The following DNHD1 variants were observed in gnomAD, a reference collection of about 807,000 sequenced individuals.
DNHD1 encodes dynein heavy chain domain 1.
A neutral mutation model predicts 458.1 loss-of-function variants in DNHD1; 383 were observed. That is an observed-to-expected ratio of 0.84 (90% confidence interval 0.77 to 0.91). The LOEUF (loss-of-function observed/expected upper bound fraction) is 0.91, where lower values mean the gene tolerates loss of function less well. Ranked by LOEUF, DNHD1 falls within the 40% of genes least tolerant of loss-of-function variation. DNHD1 has a pLI of 0.00. For missense variants in DNHD1, 5,336 were observed against 5,866.1 expected, an observed-to-expected ratio of 0.91 and a Z score of 2.95; for synonymous variants, 2,203 against 2,376.9, an observed-to-expected ratio of 0.93 and a Z score of 2.13.
chr11:6,549,615 G>A (rs1218446513), intron 24 of DNHD1, among the ~76,000 whole-genome samples: 2 of 152,200 alleles, frequency 1.3e-5, no homozygotes, highest in African/African-American at 4.8e-5. Context: ...ACCTAAGGCA[G>A]TAGCTTCTCC....
In DNHD1 at chr11:6,548,688, G is replaced by C. The variant is rs916127758; in HGVS notation, c.7142G>C (p.Gly2381Ala). The change falls in exon 24 of 43, where the codon GGA becomes GCA. Residue 2381 changes from glycine (G) to alanine (A), a missense_variant. Transcript: ENST00000254579. This position sits in a 1 kb window ranked among gnomAD's most constrained non-coding sequence, Gnocchi z 4.4. ...GTGGTGGACCTGCTTCTGTCAGGGG[G>C]ACAGCCAGTGTTGCTGGCTGGAGAG... Reference protein sequence around the residue: ...LYVVDLLLSGGQPVLLAGEAA... With the variant: ...LYVVDLLLSGAQPVLLAGEAA... The C allele has an allele frequency of 1.3e-6, 2 of 1,551,616 alleles. No homozygotes were observed. Among genetic ancestry groups the C allele is most frequent in the Admixed American group, 3.9e-5 (2 of 51,002 alleles).
At chr11:6,569,790 T>C (rs1295155803) in intron 39 of DNHD1, among the ~76,000 whole-genome samples, 1 of 152,104 alleles carries the variant, frequency 6.6e-6, no homozygotes, top group African/African-American at 2.4e-5. Flanking sequence ...ATTTTTGCTT[T>C]AGATAATTGG....
At position 6,563,434 on chromosome 11, in the gene DNHD1, A is replaced by G; in HGVS notation, c.9722A>G (p.Glu3241Gly). The change falls in exon 30 of 43, where the codon GAG becomes GGG. Residue 3241 changes from glutamate to glycine, a missense_variant. By Grantham distance (98) the Glu-to-Gly change is moderately conservative. Transcript: ENST00000254579. ...PLSQLQVADF[E>G]EIRSYRAPPE... ...AGCCAGCTGCAGGTGGCTGACTTTG[A>G]GGAGATACGGAGCTATCGAGCACCA... 6.4e-7 allele frequency: 1 copy of G among 1,551,706 alleles called. No individual in the cohort carries two copies. Among genetic ancestry groups the G allele is most frequent in the Non-Finnish European group, 8.7e-7 (1 of 1,146,976 alleles).
chr11:6,544,861 G>T lies in DNHD1; in HGVS notation c.3922G>T (p.Val1308Phe). 1 of 1,551,660 alleles carries T rather than the reference G, an allele frequency of 6.4e-7. No individual in the cohort carries two copies. Among genetic ancestry groups the T allele is most frequent in the South Asian group, 1.2e-5 (1 of 84,056 alleles). The part of the protein sequence containing the change: ...LMRISVADPM[V>F]LSLVVPSAER... Reference sequence around the variant, plus strand: ...GCGCATCTCTGTAGCTGACCCCATGGTTCTGTCACTTGTAGTGCCCAGTGC... The same window carrying T: ...GCGCATCTCTGTAGCTGACCCCATGTTTCTGTCACTTGTAGTGCCCAGTGC... The change falls in exon 21 of 43, where the codon GTT becomes TTT. Residue 1308 changes from valine to phenylalanine, a missense_variant. By Grantham distance (50) the Val-to-Phe change is conservative. Transcript: ENST00000254579.
chr11:6,568,867 G>C lies in DNHD1; in HGVS notation c.12863+1G>C. 1 of 1,606,184 alleles carries C rather than the reference G, an allele frequency of 6.2e-7. No homozygotes were observed. The highest frequency in any genetic ancestry group is 8.5e-7 in the Non-Finnish European group (1 of 1,176,668). On this transcript the variant is annotated splice_donor_variant, in intron 39 of 42. Coordinates refer to ENST00000254579, the MANE Select transcript of DNHD1 (RefSeq NM_144666.3). LOFTEE classifies it high-confidence loss of function. ...GGCTGCAGGCACACAGGGGGCGCTGGTGAGGGACCCCCACCCATTCCTGCT... is the reference window on the plus strand; with the variant it reads ...GGCTGCAGGCACACAGGGGGCGCTGCTGAGGGACCCCCACCCATTCCTGCT...
At chr11:6,500,162 G>A (rs1487828598) in intron 3 of DNHD1, among the ~76,000 whole-genome samples, 2 of 151,798 alleles carry the variant, frequency 1.3e-5, no homozygotes, top group East Asian at 3.9e-4. Context: ...ACAGTGTTTC[G>A]CCATGTTGAC....
intron 10 of DNHD1, among the ~76,000 whole-genome samples, chr11:6,526,345 A>T (rs986234988): frequency 6.6e-6 from 1 of 150,814 alleles, no homozygotes; most frequent in Admixed American, 6.6e-5. Context: ...GACTTCTATC[A>T]TTTTTCTATT....
intron 10 of DNHD1, among the ~76,000 whole-genome samples, chr11:6,522,371 T>G (rs565487966): frequency 1.3e-5 from 2 of 152,170 alleles, no homozygotes; most frequent in African/African-American, 2.4e-5. Flanking sequence ...AATTTTTGCT[T>G]TTGTTGTGAC....
chr11:6,502,915 C>T lies in DNHD1; in HGVS notation c.909C>T (p.Ser303=). 1 of 1,613,606 alleles carries T rather than the reference C, an allele frequency of 6.2e-7. No homozygotes were observed. The highest frequency in any genetic ancestry group is 8.5e-7 in the Non-Finnish European group (1 of 1,179,788). ...IHFLYLNVAP[S]RYFRPYSLMV... is the part of the protein sequence containing the mutation. ...TCCTCTATCTCAATGTGGCTCCCAG[C>T]CGGTACTTTAGGTGATAGCCTATGT... The change falls in exon 4 of 43, where the codon AGC becomes AGT. Residue 303 remains serine, a synonymous_variant. Coordinates refer to ENST00000254579, the MANE Select transcript of DNHD1 (RefSeq NM_144666.3).
Position 6,557,628 on chromosome 11 carries a change from A to T in DNHD1, c.8333A>T (p.Asn2778Ile). The change falls in exon 25 of 43, where the codon AAC becomes ATC. Residue 2778 changes from asparagine (N) to isoleucine (I), a missense_variant. Transcript: ENST00000254579. ...CAAGAGAAAGGCACAAGGGCATCCA[A>T]CTATAGGCTCCAGGTAAGGAGATCA... ...IRQEKGTRAS[N>I]YRLQVRRSFK... 1 of 1,551,814 alleles carries T rather than the reference A, an allele frequency of 6.4e-7. No homozygotes were observed. The highest frequency in any genetic ancestry group is 1.2e-5 in the South Asian group (1 of 84,066).
chr11:6,506,386 G>T (rs1174619352), intron 4 of DNHD1, among the ~76,000 whole-genome samples: 1 of 152,128 alleles, frequency 6.6e-6, no homozygotes, highest in African/African-American at 2.4e-5. Context: ...GTTCTCTGAT[G>T]TGTTATACAG....
At chr11:6,512,270 G>T in intron 7 of DNHD1, among the ~76,000 whole-genome samples, 1 of 134,122 alleles carries the variant, frequency 7.5e-6, no homozygotes, top group Non-Finnish European at 1.5e-5. Context: ...ACCCAGGCTG[G>T]AGTGCAGTGG....
At chr11:6,565,375 CAG>C in intron 32 of DNHD1, among the ~76,000 whole-genome samples, 1 of 152,318 alleles carries the variant, frequency 6.6e-6, no homozygotes, top group Non-Finnish European at 1.5e-5. Context: ...TATGTGAAGA[CAG>C]AGGATGAATA....
At chr11:6,525,972 C>A (rs79416516) in intron 10 of DNHD1, among the ~76,000 whole-genome samples, 2 of 151,492 alleles carry the variant, frequency 1.3e-5, no homozygotes, top group African/African-American at 4.9e-5. Context: ...GGCTTTATAT[C>A]TTTTTTTAAA....
Position 6,564,411 on chromosome 11 carries a change from C to T in DNHD1, c.10363C>T (p.Pro3455Ser). The stretch of plus-strand genomic sequence containing the variant: ...TGCCATCATCTACCTGGGTCCCTTC[C>T]CACCATTGCGGCGCCAAGAGCTACT... ...SAAIIYLGPF[P>S]PLRRQELLDE... is the part of the protein sequence containing the mutation. Residue 3455 changes from proline to serine, a missense_variant, in exon 32 of 43, where the codon CCA (proline) becomes TCA (serine). Coordinates refer to ENST00000254579, the MANE Select transcript of DNHD1 (RefSeq NM_144666.3). 5 of 1,551,702 alleles carry T rather than the reference C, an allele frequency of 3.2e-6. No individual in the cohort carries two copies. The highest frequency in any genetic ancestry group is 4.4e-6 in the Non-Finnish European group (5 of 1,146,976).
At chr11:6,516,676 G>T (rs557200363) in intron 7 of DNHD1, among the ~76,000 whole-genome samples, 2 of 152,068 alleles carry the variant, frequency 1.3e-5, no homozygotes, top group African/African-American at 4.8e-5. Context: ...TCCTGGAGGG[G>T]CAATGACTTG....
At position 6,567,322 on chromosome 11, in the gene DNHD1, G is replaced by A; in HGVS notation, c.11813G>A (p.Gly3938Asp). The change falls in exon 36 of 43, where the codon GGC becomes GAC. Residue 3938 changes from glycine (G) to aspartate (D), a missense_variant. This residue lies in a region of DNHD1 where 695 missense variants were observed against 804.2 expected (regional missense o/e 0.86). Coordinates refer to ENST00000254579, the MANE Select transcript of DNHD1 (RefSeq NM_144666.3). ...LTQVPLVGAL[G>D]ALALLQATGK... ...CAAGTACCCTTGGTGGGTGCATTGG[G>A]CGCTTTGGCTCTGCTGCAAGCAACA... 1 of 1,614,070 alleles carries A rather than the reference G, an allele frequency of 6.2e-7. No homozygotes were observed. Among genetic ancestry groups the A allele is most frequent in the Non-Finnish European group, 8.5e-7 (1 of 1,179,904 alleles).
In DNHD1 at chr11:6,563,616, C is replaced by A. The variant is rs1307417851; in HGVS notation, c.9852+52C>A. On this transcript the variant is annotated intron_variant, in intron 30 of 42. Transcript: ENST00000254579. ...AGGATAGGGGAGGCATAAAGGGACA[C>A]TTGGCAAGGCTAAACTGTTGGGTCA... 3 of 1,546,704 alleles carry A rather than the reference C, an allele frequency of 1.9e-6. No homozygotes were observed. The African/African-American group carries it at 4.1e-5, about 21-fold the overall frequency.
chr11:6,557,752 G>T lies in DNHD1; in HGVS notation c.8457G>T (p.Leu2819=). The part of the protein sequence containing the change: ...LLHPQEKPSD[L]VFSQELILGP... Reference sequence around the variant, plus strand: ...ATCCCCAGGAAAAGCCCTCAGACCTGGTCTTCAGTCAGGAGCTGATACTGG... The same window carrying T: ...ATCCCCAGGAAAAGCCCTCAGACCTTGTCTTCAGTCAGGAGCTGATACTGG... The change falls in exon 25 of 43, where the codon CTG becomes CTT. Residue 2819 remains leucine, a synonymous_variant. Coordinates refer to ENST00000254579, the MANE Select transcript of DNHD1 (RefSeq NM_144666.3). The T allele has an allele frequency of 6.4e-7, 1 of 1,551,688 alleles. No individual in the cohort carries two copies.
Sources: gnomAD v4.1 joint callset for allele counts (sites outside exome capture counted in the v4.1 genomes callset) on GRCh38, gnomAD v4.1.1 for gene constraint, gnomAD v4.1.1 regional missense constraint, Gnocchi (gnomAD v3.1) non-coding constraint, MANE v1.5 for transcripts, NCBI Gene and HGNC (gene_info 2026-07-23, HGNC 2026-07-21) for gene names.